Variants in TACC2 observed in about 807,000 individuals in gnomAD.
TACC2 encodes the protein transforming acidic coiled-coil containing protein 2.
A neutral mutation model predicts 227.3 loss-of-function variants in TACC2; 137 were observed. The observed-to-expected ratio is 0.60, with a 90% CI of 0.52 to 0.69. The LOEUF (loss-of-function observed/expected upper bound fraction) is 0.69, where lower values mean the gene tolerates loss of function less well. Among genes scored for constraint, TACC2 ranks in the 30% least tolerant of loss-of-function variants. The pLI is 0.00. For missense variants in TACC2, 3,470 were observed against 3,694.4 expected (o/e 0.94, Z 1.57); for synonymous variants, 1,523 against 1,487.5 (o/e 1.02, Z -0.55).
chr10:122,111,425 T>C (rs1276976509), intron 5 of TACC2, among the ~76,000 whole-genome samples: 8 of 152,208 alleles, frequency 5.3e-5, no homozygotes, highest in Non-Finnish European at 1.2e-4. Flanking sequence ...GTTGAGGTGC[T>C]GGAGCTTACA....
At chr10:122,109,742 G>C (rs762475595) in intron 5 of TACC2, among the ~76,000 whole-genome samples, 1 of 152,220 alleles carries the variant, frequency 6.6e-6, no homozygotes, top group Non-Finnish European at 1.5e-5. Flanking sequence ...AATGGAATTA[G>C]CCATAATTTG....
intron 6 of TACC2, among the ~76,000 whole-genome samples, chr10:122,134,707 C>T (rs1457669079): frequency 2.6e-5 from 4 of 152,204 alleles, no homozygotes; most frequent in Non-Finnish European, 5.9e-5. Context: ...ATGGGGCACG[C>T]CCTCCCTTAG....
intron 19 of TACC2, among the ~76,000 whole-genome samples, chr10:122,244,359 C>T (rs1468859953): frequency 6.6e-6 from 1 of 152,194 alleles, no homozygotes; most frequent in Non-Finnish European, 1.5e-5. Flanking sequence ...TGTCCGTTCC[C>T]CGATCCCCAT....
intron 16 of TACC2, among the ~76,000 whole-genome samples, chr10:122,236,681 G>A (rs537313664): frequency 8.0e-4 from 122 of 152,216 alleles, no homozygotes; most frequent in Non-Finnish European, 1.4e-3. Context: ...TGGGGTGGTG[G>A]ATCATGCCAC....
intron 2 of TACC2, among the ~76,000 whole-genome samples, chr10:122,042,959 C>G (rs967804431): frequency 6.6e-6 from 1 of 152,134 alleles, no homozygotes; most frequent in African/African-American, 2.4e-5. Context: ...CCTGACATGC[C>G]CAGCTCTTTG....
At chr10:122,042,025 A>G (rs943997295) in intron 2 of TACC2, among the ~76,000 whole-genome samples, 3 of 152,012 alleles carry the variant, frequency 2.0e-5, no homozygotes, top group African/African-American at 7.3e-5. Context: ...GGCTCACTGC[A>G]AGCTCCACCT....
intron 5 of TACC2, among the ~76,000 whole-genome samples, chr10:122,092,779 T>C (rs2080964820): frequency 6.6e-6 from 1 of 152,192 alleles, no homozygotes. Flanking sequence ...GAACTCACAA[T>C]GCATAGAAAT....
chr10:122,177,729 A>G (rs1459546979), intron 7 of TACC2, among the ~76,000 whole-genome samples: 2 of 152,162 alleles, frequency 1.3e-5, no homozygotes, highest in African/African-American at 2.4e-5. Context: ...TCTGTCGCAG[A>G]AAGAATTGGG....
intron 6 of TACC2, among the ~76,000 whole-genome samples, chr10:122,136,531 GTT>G (rs2089673383): frequency 3.0e-5 from 3 of 98,646 alleles, no homozygotes; most frequent in African/African-American, 9.7e-5. Context: ...GTGTATGTAT[GTT>G]TGTGTGTGTG....
intron 5 of TACC2, among the ~76,000 whole-genome samples, chr10:122,115,661 C>T (rs936752665): frequency 5.3e-5 from 8 of 152,140 alleles, no homozygotes; most frequent in Non-Finnish European, 1.2e-4. Context: ...TGGGCTTGCC[C>T]AGCTCTGGGC....
chr10:122,222,021 G>T (rs527955511), intron 11 of TACC2, among the ~76,000 whole-genome samples: 1 of 152,156 alleles, frequency 6.6e-6, no homozygotes, highest in Non-Finnish European at 1.5e-5. Flanking sequence ...CCTCAGAAAC[G>T]ACAGGACCCG....
chr10:122,045,749 C>T lies in TACC2; in HGVS notation c.34-4689C>T, dbSNP rs552121323. Among the ~76,000 whole-genome samples the T allele has an allele frequency of 2.6e-5, 4 of 152,314 alleles. No homozygotes were observed. The South Asian group carries it at 8.3e-4, about 32-fold the overall frequency. ...TAGCTCACGGGGATTTTATAAGAAT[C>T]AAATGGATGTCAAAGAGCTTTGAAA... On this transcript the variant is annotated intron_variant, in intron 2 of 22. Transcript: ENST00000369005.
chr10:122,075,188 C>CAAAAAA (rs74264562), intron 3 of TACC2, among the ~76,000 whole-genome samples: 701 of 142,244 alleles, frequency 4.9e-3, no homozygotes, highest in African/African-American at 0.017. Context: ...ATCTTGCTGC[C>CAAAAAA]AAAAAAAAAA....
At chr10:122,169,609 G>C (rs2093365844) in intron 7 of TACC2, among the ~76,000 whole-genome samples, 1 of 152,082 alleles carries the variant, frequency 6.6e-6, no homozygotes, top group Non-Finnish European at 1.5e-5. Context: ...ATTGGTACAG[G>C]GCTCAGACTT....
intron 9 of TACC2, chr10:122,213,465 C>T: frequency 7.4e-7 from 1 of 1,347,192 alleles, no homozygotes; most frequent in Admixed American, 1.7e-5. Flanking sequence ...TTTTTATTTC[C>T]CCTCTGGCTG....
chr10:122,085,061 A>G lies in TACC2; in HGVS notation c.2561A>G (p.Asn854Ser). 6.2e-7 allele frequency: 1 copy of G among 1,614,170 alleles called. No individual in the cohort carries two copies. The highest frequency in any genetic ancestry group is 1.3e-5 in the African/African-American group (1 of 75,054). ...AAGGAGCAGGCCCAGCCACCTGAAA[A>G]TGGGAAAGAGACTTCTCCAAGCCAT... ...VLKEQAQPPENGKETSPSHPG... is the reference protein window; with the variant it reads ...VLKEQAQPPESGKETSPSHPG... The change falls in exon 4 of 23, where the codon AAT becomes AGT. Residue 854 changes from asparagine to serine, a missense_variant. Coordinates refer to ENST00000369005, the MANE Select transcript of TACC2 (RefSeq NM_206862.4).
intron 1 of TACC2, among the ~76,000 whole-genome samples, chr10:122,000,947 C>T (rs1423711807): frequency 3.9e-5 from 6 of 152,152 alleles, no homozygotes; most frequent in African/African-American, 9.7e-5. Flanking sequence ...CTCAGCCTCC[C>T]GAGTAGCTGG....
chr10:122,094,737 G>T (rs183970514), intron 5 of TACC2, among the ~76,000 whole-genome samples: 4 of 152,158 alleles, frequency 2.6e-5, no homozygotes, highest in African/African-American at 9.7e-5. Flanking sequence ...CCTCTCTGCC[G>T]CTTGTCCCCT....
rs549933603 is a variant in TACC2, at chr10:122,131,050, C to T, written c.5574-1559C>T. ...TGTCTGGGCTGGGCAAGGTGGCCCA[C>T]GCCTATAATCCCAGCATTTGGGGAG... On this transcript the variant is annotated intron_variant, in intron 5 of 22. Transcript: ENST00000369005. 1.2e-4 allele frequency among the ~76,000 whole-genome samples: 19 copies of T among 152,134 alleles called. No individual in the cohort carries two copies. In the South Asian group the frequency reaches 1.9e-3, roughly 15 times the overall value.
Sources: allele counts gnomAD v4.1 joint callset (sites outside exome capture counted in the v4.1 genomes callset), GRCh38; gene constraint gnomAD v4.1.1; transcripts MANE v1.5; gene names NCBI Gene and HGNC (gene_info 2026-07-23, HGNC 2026-07-21).